Variants in JAZF1 observed in about 807,000 individuals in gnomAD.
JAZF1 encodes the protein juxtaposed with another zinc finger protein 1.
Under a neutral mutation model 26.4 loss-of-function variants are expected in JAZF1, and 8 were observed. The ratio of observed to expected loss-of-function variants is 0.30; its 90% CI spans 0.18 to 0.55. JAZF1 has a LOEUF of 0.55. Among genes scored for constraint, JAZF1 ranks in the 20% least tolerant of loss-of-function variants. JAZF1 has a pLI of 0.94. For synonymous variants in JAZF1, 126 were observed against 122.3 expected (o/e 1.03, Z -0.20); for missense variants, 199 against 322.0 (o/e 0.62, Z 2.92).
At chr7:27,900,617 G>A (rs1032949339) in intron 2 of JAZF1, among the ~76,000 whole-genome samples, 1 of 151,858 alleles carries the variant, frequency 6.6e-6, no homozygotes, top group Admixed American at 6.6e-5. Flanking sequence ...TTTTAATGTG[G>A]GGAAAAAAAA....
chr7:27,909,086 TGCAGCCTCGACCTGC>T, intron 2 of JAZF1, among the ~76,000 whole-genome samples: 5 of 151,812 alleles, frequency 3.3e-5, no homozygotes, highest in African/African-American at 1.2e-4. Flanking sequence ...CATAGGTAAC[TGCAGCCTCGACCTGC>T]TGGGCTCAAG....
At chr7:28,025,438 C>T (rs533685585) in intron 1 of JAZF1, among the ~76,000 whole-genome samples, 4 of 152,234 alleles carry the variant, frequency 2.6e-5, no homozygotes, top group South Asian at 2.1e-4. Flanking sequence ...CATGAAAACA[C>T]GGGAAAAGGT....
chr7:28,000,606 CTTTCTTT>C (rs1786129079), intron 1 of JAZF1, among the ~76,000 whole-genome samples: 1 of 18,388 alleles, frequency 5.4e-5, no homozygotes, highest in Non-Finnish European at 3.2e-4. Flanking sequence ...CTTTTTCTTT[CTTTCTTT>C]CTTTCTTTCT....
chr7:28,096,534 A>G (rs1245871144), intron 1 of JAZF1, among the ~76,000 whole-genome samples: 2 of 152,264 alleles, frequency 1.3e-5, no homozygotes, highest in Non-Finnish European at 2.9e-5. Context: ...AATGATTTAC[A>G]TAAGAACTAC....
intron 1 of JAZF1, among the ~76,000 whole-genome samples, chr7:28,066,742 G>A (rs190323872): frequency 2.0e-5 from 3 of 152,050 alleles, no homozygotes; most frequent in East Asian, 3.9e-4. Context: ...TCAAGCTCAC[G>A]GTTACCACCT....
At chr7:28,001,307 G>A (rs551968281) in intron 1 of JAZF1, among the ~76,000 whole-genome samples, 68 of 151,888 alleles carry the variant, frequency 4.5e-4, no homozygotes, top group Non-Finnish European at 7.8e-4. Context: ...AGCCGAGAAC[G>A]TGCCACTGCA....
intron 1 of JAZF1, among the ~76,000 whole-genome samples, chr7:28,059,197 G>C (rs1583536470): frequency 1.3e-5 from 2 of 152,010 alleles, no homozygotes; most frequent in East Asian, 3.8e-4. Flanking sequence ...AATTTACCAG[G>C]TTTCTTTTGG....
intron 1 of JAZF1, among the ~76,000 whole-genome samples, chr7:28,037,061 G>C (rs1783306118): frequency 6.6e-6 from 1 of 152,134 alleles, no homozygotes; most frequent in Non-Finnish European, 1.5e-5. Flanking sequence ...GGTGCAGAGG[G>C]AATCAATCTG....
chr7:28,118,585 T>A (rs1784785606), intron 1 of JAZF1, among the ~76,000 whole-genome samples: 1 of 152,212 alleles, frequency 6.6e-6, no homozygotes, highest in African/African-American at 2.4e-5. Context: ...CTGGAATTTT[T>A]AAAGTAAAAA....
intron 2 of JAZF1, among the ~76,000 whole-genome samples, chr7:27,975,813 G>A (rs996778744): frequency 2.6e-5 from 4 of 152,102 alleles, no homozygotes; most frequent in African/African-American, 9.7e-5. Context: ...TTTTAAAAAT[G>A]GTCTGATGTG....
intron 3 of JAZF1, among the ~76,000 whole-genome samples, chr7:27,873,722 G>A (rs1783623892): frequency 6.6e-6 from 1 of 152,186 alleles, no homozygotes; most frequent in African/African-American, 2.4e-5. Context: ...GTCTTCCTCT[G>A]TGACTTCACT....
At chr7:27,947,498 C>T (rs1421357507) in intron 2 of JAZF1, among the ~76,000 whole-genome samples, 1 of 152,184 alleles carries the variant, frequency 6.6e-6, no homozygotes, top group Non-Finnish European at 1.5e-5. Context: ...CTTATGAGAG[C>T]CTCTGCTATT....
chr7:27,970,932 G>T (rs977975216), intron 2 of JAZF1, among the ~76,000 whole-genome samples: 7 of 152,242 alleles, frequency 4.6e-5, no homozygotes, highest in East Asian at 1.9e-4. Flanking sequence ...CCTCCCTTGG[G>T]CATCCATTTC....
At chr7:28,066,678 C>T (rs1268129690) in intron 1 of JAZF1, among the ~76,000 whole-genome samples, 7 of 151,442 alleles carry the variant, frequency 4.6e-5, no homozygotes, top group Non-Finnish European at 1.0e-4. Context: ...GATGATGATC[C>T]TCAACCAGAG....
intron 1 of JAZF1, among the ~76,000 whole-genome samples, chr7:27,996,451 G>T (rs552760976): frequency 6.6e-6 from 1 of 152,306 alleles, no homozygotes; most frequent in African/African-American, 2.4e-5. Context: ...AAGGTAGTAG[G>T]GGATTTGCAG....
chr7:27,908,224 T>A (rs1214747911), intron 2 of JAZF1, among the ~76,000 whole-genome samples: 3 of 152,262 alleles, frequency 2.0e-5, no homozygotes, highest in African/African-American at 7.2e-5. Context: ...ATGGTGTATA[T>A]GAGACTTGTT....
At chr7:27,988,675 G>C (rs1446751045) in intron 2 of JAZF1, among the ~76,000 whole-genome samples, 1 of 151,844 alleles carries the variant, frequency 6.6e-6, no homozygotes, top group Non-Finnish European at 1.5e-5. Context: ...AAAAGACCTT[G>C]CCAATGTCAT....
rs547781153 is a variant in JAZF1, at chr7:27,958,573, C to G, written c.188+33336G>C. 8.5e-5 allele frequency among the ~76,000 whole-genome samples: 13 copies of G among 152,300 alleles called. No homozygotes were observed. The East Asian group carries it at 1.2e-3, about 14-fold the overall frequency. On this transcript the variant is annotated intron_variant, in intron 2 of 4. Coordinates refer to ENST00000283928, the MANE Select transcript of JAZF1 (RefSeq NM_175061.4). Reference sequence around the variant, plus strand: ...CAATCTGGCAGGCTAGACTTTACAGCTCACCCAAAGCATCCTTGGAGCTGT... The same window carrying G: ...CAATCTGGCAGGCTAGACTTTACAGGTCACCCAAAGCATCCTTGGAGCTGT...
intron 3 of JAZF1, among the ~76,000 whole-genome samples, chr7:27,868,923 G>A (rs1247041699): frequency 3.9e-5 from 6 of 152,188 alleles, no homozygotes; most frequent in African/African-American, 1.4e-4. Flanking sequence ...CACCAAGAAT[G>A]AAAGGGACGA....
Sources: gnomAD v4.1 joint callset for allele counts (sites outside exome capture counted in the v4.1 genomes callset) on GRCh38, gnomAD v4.1.1 for gene constraint, MANE v1.5 for transcripts, NCBI Gene and HGNC (gene_info 2026-07-23, HGNC 2026-07-21) for gene names.